Variants in SMARCA4 observed in about 807,000 individuals in gnomAD.
SMARCA4 encodes SWI/SNF related BAF chromatin remodeling complex subunit ATPase 4.
In SMARCA4, 31 loss-of-function variants were observed where a neutral mutation model predicts 193.9. That is an observed-to-expected ratio of 0.16 (90% CI 0.12 to 0.22). The LOEUF is 0.22. Ranked by LOEUF, SMARCA4 falls within the 10% of genes least tolerant of loss-of-function variation. The pLI is 1.00. For missense variants in SMARCA4, 1,148 were observed against 2,296.0 expected (o/e 0.50, Z 10.22); for synonymous variants, 942 against 933.1 (o/e 1.01, Z -0.17).
chr19:11,026,879 A>G (rs772499724), intron 23 of SMARCA4, among the ~76,000 whole-genome samples: 14 of 152,208 alleles, frequency 9.2e-5, no homozygotes, highest in Non-Finnish European at 1.3e-4. Flanking sequence ...GACCTGGCTT[A>G]CAGATCCCAC....
Position 11,019,799 on chromosome 19 carries a change from G to A in SMARCA4, c.2616+98G>A, listed in dbSNP as rs867342291. 1.0e-4 allele frequency: 90 copies of A among 859,354 alleles called. No homozygotes were observed. The highest frequency in any genetic ancestry group is 1.3e-4 in the Non-Finnish European group (67 of 519,218). The allele number at this position is 859,354 out of a possible 1,614,324, so 53.2% of individuals were successfully genotyped here. A position where few individuals can be genotyped will look rare whatever the true frequency, so the allele number is the denominator to read the frequency against. The stretch of plus-strand genomic sequence containing the variant: ...CCAAAGCCCCTACAAGTTTCTTCCC[G>A]GAGTCCCACCTGCATGTGCGTGAAG... On this transcript the variant is annotated intron_variant, in intron 18 of 34. Transcript: ENST00000344626. This position sits in a 1 kb window ranked among gnomAD's most constrained non-coding sequence, Gnocchi z 6.1.
chr19:11,003,001 C>T (rs1179466975), intron 11 of SMARCA4, 28 bp from the exon 12 acceptor site: 1 of 1,613,774 alleles, frequency 6.2e-7, no homozygotes, highest in Admixed American at 1.7e-5. Flanking sequence ...CCTGCAACCT[C>T]AGTGTCACAC....
Position 10,984,265 on chromosome 19 carries a change from C to A in SMARCA4, c.114C>A (p.Ser38=). 6.2e-7 allele frequency: 1 copy of A among 1,611,464 alleles called. No individual in the cohort carries two copies. Among genetic ancestry groups the A allele is most frequent in the Non-Finnish European group, 8.5e-7 (1 of 1,179,236 alleles). The change falls in exon 2 of 35, where the codon TCC becomes TCA. Residue 38 remains serine, a synonymous_variant. Coordinates refer to ENST00000344626, the MANE Select transcript of SMARCA4 (RefSeq NM_003072.5). This position sits in a 1 kb window ranked among gnomAD's most constrained non-coding sequence, Gnocchi z 4.3. ...LGPSPGPSPG[S]AHSMMGPSPG... ...CTAGCCCGGGTCCCTCGCCGGGCTC[C>A]GCCCACAGCATGATGGGGCCCAGCC...
At chr19:11,004,405 T>G (rs530146670) in intron 13 of SMARCA4, among the ~76,000 whole-genome samples, 28 of 152,130 alleles carry the variant, frequency 1.8e-4, no homozygotes, top group Admixed American at 4.6e-4. Context: ...CCCGCCACCA[T>G]GCCAGCTAAT....
At chr19:11,044,943 G>A (rs918701342) in intron 30 of SMARCA4, among the ~76,000 whole-genome samples, 3 of 152,122 alleles carry the variant, frequency 2.0e-5, no homozygotes, top group African/African-American at 4.8e-5. Flanking sequence ...ATCGTACAGG[G>A]CCCCAAACAG....
In SMARCA4 at chr19:11,060,148, G is replaced by A. The variant is rs182644267; in HGVS notation, c.4872G>A (p.Pro1624=). 221 of 1,551,214 alleles carry A rather than the reference G, an allele frequency of 1.4e-4. 1 individual carries two copies. In the East Asian group the frequency reaches 5.0e-3, roughly 35 times the overall value. ...CGAGCCGAGGGTCCCGAGCCAAGCCGGTCGTGAGTGACGATGACAGTGAGG... is the reference window on the plus strand; with the variant it reads ...CGAGCCGAGGGTCCCGAGCCAAGCCAGTCGTGAGTGACGATGACAGTGAGG... ...RRPSRGSRAK[P]VVSDDDSEEE... Residue 1624 remains proline (P), a synonymous_variant, in exon 34 of 35, where the codon CCG becomes CCA. Coordinates refer to ENST00000344626, the MANE Select transcript of SMARCA4 (RefSeq NM_003072.5).
rs1568527115 is a variant in SMARCA4, at chr19:11,041,283, AT to A, written c.4171-20del. The A allele has an allele frequency of 2.5e-6, 4 of 1,591,772 alleles. No homozygotes were observed. Among genetic ancestry groups the A allele is most frequent in the Admixed American group, 1.7e-5 (1 of 59,236 alleles). Reference sequence around the variant, plus strand: ...TGTCGACCTGGGTGCTGGCTGTCCTATTTTACTACTATTGACCCTGAAGGCC... The same window carrying A: ...TGTCGACCTGGGTGCTGGCTGTCCTATTTACTACTATTGACCCTGAAGGCC... On this transcript the variant is annotated intron_variant, in intron 29 of 34. Coordinates refer to ENST00000344626, the MANE Select transcript of SMARCA4 (RefSeq NM_003072.5). The surrounding 1 kb of genome is among the most constrained non-coding windows in gnomAD (Gnocchi z 5.6).
chr19:10,984,379 G>C lies in SMARCA4; in HGVS notation c.222+6G>C, dbSNP rs769669992. The stretch of plus-strand genomic sequence containing the variant: ...ACATGCACCAGATGCACAAGGTAGG[G>C]ATCCCTGTGCCCGCCTCGCACCTGC... On this transcript the variant is annotated splice_donor_region_variant and intron_variant, in intron 2 of 34. Coordinates refer to ENST00000344626, the MANE Select transcript of SMARCA4 (RefSeq NM_003072.5). The surrounding 1 kb of genome is among the most constrained non-coding windows in gnomAD (Gnocchi z 4.3). 6.4e-7 allele frequency: 1 copy of C among 1,574,664 alleles called. No homozygotes were observed. The highest frequency in any genetic ancestry group is 8.6e-7 in the Non-Finnish European group (1 of 1,159,966).
chr19:10,995,066 G>T, intron 9 of SMARCA4, 65 bp downstream of exon 9: 1 of 1,458,172 alleles, frequency 6.9e-7, no homozygotes, highest in Admixed American at 1.9e-5. Context: ...GGCTCCAGGG[G>T]TCACTCCCCA....
At chr19:11,010,297 C>T in intron 14 of SMARCA4, 84 bp from the exon 15 acceptor site, 1 of 1,482,208 alleles carries the variant, frequency 6.7e-7, no homozygotes, top group Non-Finnish European at 9.4e-7. Context: ...GAAAGGGCCA[C>T]TCCGCAGAGC....
At chr19:10,983,362 A>G (rs1029278174) in intron 1 of SMARCA4, 1 of 152,044 alleles carries the variant, frequency 6.6e-6, no homozygotes, top group Non-Finnish European at 1.5e-5. Context: ...TACTACTTTC[A>G]ATGGAAAACC....
chr19:10,973,686 C>T (rs1041998018), intron 1 of SMARCA4, among the ~76,000 whole-genome samples: 6 of 149,894 alleles, frequency 4.0e-5, no homozygotes, highest in African/African-American at 1.5e-4. Flanking sequence ...TCTCCTGCCT[C>T]AGCCTCCCGA....
At chr19:10,989,147 G>A (rs879372499) in intron 6 of SMARCA4, among the ~76,000 whole-genome samples, 170 bp from the exon 7 acceptor site, 3 of 152,166 alleles carry the variant, frequency 2.0e-5, no homozygotes, top group East Asian at 1.9e-4. Flanking sequence ...GGAGTGCCCC[G>A]GGCTATCTCC....
chr19:11,007,853 C>G (rs2146187434), intron 13 of SMARCA4, 49 bp from the exon 14 acceptor site: 1 of 1,609,950 alleles, frequency 6.2e-7, no homozygotes, highest in Non-Finnish European at 8.5e-7. Context: ...AGTCCCGTCC[C>G]CCCTCTCTGG....
At chr19:10,999,154 C>T (rs2087379851) in intron 11 of SMARCA4, among the ~76,000 whole-genome samples, 1 of 152,082 alleles carries the variant, frequency 6.6e-6, no homozygotes, top group Non-Finnish European at 1.5e-5. Context: ...AATCTACCTG[C>T]CTTGGCCTCC....
intron 30 of SMARCA4, among the ~76,000 whole-genome samples, chr19:11,056,053 C>G (rs1337216841): frequency 6.6e-6 from 1 of 152,168 alleles, no homozygotes; most frequent in Non-Finnish European, 1.5e-5. Context: ...AGGGTGGATG[C>G]TGCCATCATG....
At chr19:11,023,440 C>T (rs2090016027) in intron 19 of SMARCA4, 78 bp from the exon 20 acceptor site, 1 of 928,938 alleles carries the variant, frequency 1.1e-6, no homozygotes, top group East Asian at 2.5e-5. Context: ...CCTGTCCCCA[C>T]ATCCGCACCT....
chr19:11,028,303 G>T lies in SMARCA4; in HGVS notation c.3382+353G>T, dbSNP rs547470858. ...GCTTACATAGCTCTAACCCCAGGAG[G>T]TTAAACATCCTTCAGGCACAGCTGG... On this transcript the variant is annotated intron_variant, in intron 24 of 34. Transcript: ENST00000344626. 3.3e-5 allele frequency among the ~76,000 whole-genome samples: 5 copies of T among 152,356 alleles called. No homozygotes were observed. In the South Asian group the frequency reaches 1.0e-3, roughly 32 times the overall value.
intron 1 of SMARCA4, among the ~76,000 whole-genome samples, chr19:10,974,745 T>A (rs1393295756): frequency 2.3e-5 from 3 of 127,786 alleles, no homozygotes; most frequent in Non-Finnish European, 4.8e-5. Context: ...CTTGCTCTAT[T>A]GCCTGGGCTA....
Sources: allele counts gnomAD v4.1 joint callset (sites outside exome capture counted in the v4.1 genomes callset), GRCh38; gene constraint gnomAD v4.1.1; non-coding constraint Gnocchi (gnomAD v3.1); transcripts MANE v1.5; gene names NCBI Gene and HGNC (gene_info 2026-07-23, HGNC 2026-07-21).